The following TIAM2 variants were observed in gnomAD, a reference collection of about 807,000 sequenced individuals.
The protein encoded by TIAM2 is TIAM Rac1 associated GEF 2.
TIAM2 carries 80 observed loss-of-function variants against 152.9 expected under a neutral mutation model. The observed-to-expected ratio is 0.52, with a 90% CI of 0.44 to 0.63. The LOEUF is 0.63. TIAM2 is among the 30% of genes least tolerant of loss of function. The pLI is 0.00. For synonymous variants in TIAM2, 804 were observed against 838.0 expected (o/e 0.96, Z 0.70); for missense variants, 1,965 against 2,120.1 (o/e 0.93, Z 1.44).
intron 5 of TIAM2, among the ~76,000 whole-genome samples, chr6:155,138,444 T>A (rs1208170428): frequency 6.8e-6 from 1 of 147,656 alleles, no homozygotes; most frequent in African/African-American, 2.7e-5. Context: ...TTTTTTTTTT[T>A]AATATACTTT....
At chr6:155,153,449 A>G (rs1360628810) in intron 7 of TIAM2, among the ~76,000 whole-genome samples, 1 of 148,814 alleles carries the variant, frequency 6.7e-6, no homozygotes, top group Non-Finnish European at 1.5e-5. Context: ...TCTGAAAAAG[A>G]AAAAAAAAAG....
intron 2 of TIAM2, among the ~76,000 whole-genome samples, chr6:155,098,628 A>G (rs769650273): frequency 2.0e-5 from 3 of 152,226 alleles, no homozygotes; most frequent in Non-Finnish European, 2.9e-5. Context: ...AACAAAGGCT[A>G]CTTTGAACAA....
At chr6:155,092,482 T>G (rs938504665) in intron 2 of TIAM2, among the ~76,000 whole-genome samples, 1 of 152,314 alleles carries the variant, frequency 6.6e-6, no homozygotes, top group Non-Finnish European at 1.5e-5. Flanking sequence ...TGATTATGAT[T>G]AAGTATGTGA....
At chr6:155,019,493 G>C (rs527619654) in intron 1 of TIAM2, among the ~76,000 whole-genome samples, 1 of 152,176 alleles carries the variant, frequency 6.6e-6, no homozygotes, top group Non-Finnish European at 1.5e-5. Flanking sequence ...TGTGTTAAAC[G>C]AATGATTAAA....
At chr6:155,014,498 T>C (rs954783924) in intron 1 of TIAM2, among the ~76,000 whole-genome samples, 1 of 152,184 alleles carries the variant, frequency 6.6e-6, no homozygotes, top group Non-Finnish European at 1.5e-5. Flanking sequence ...TGCTAGTCAT[T>C]TGTGAATATC....
chr6:155,155,057 T>C (rs1019374169), intron 7 of TIAM2, among the ~76,000 whole-genome samples: 1 of 151,754 alleles, frequency 6.6e-6, no homozygotes, highest in African/African-American at 2.4e-5. Context: ...GGAGATAAAG[T>C]CAGATTGTGG....
At chr6:155,045,521 T>C (rs775346974) in intron 1 of TIAM2, among the ~76,000 whole-genome samples, 3 of 152,158 alleles carry the variant, frequency 2.0e-5, no homozygotes, top group Non-Finnish European at 4.4e-5. Flanking sequence ...TTATGGCCAT[T>C]TTCTTTCGAA....
chr6:155,180,170 T>C (rs1213383484), intron 12 of TIAM2, among the ~76,000 whole-genome samples: 2 of 152,078 alleles, frequency 1.3e-5, no homozygotes, highest in East Asian at 1.9e-4. Context: ...TCCCAGCTAC[T>C]CGGGAGGCTG....
At chr6:155,043,347 G>A (rs1171345436) in intron 1 of TIAM2, among the ~76,000 whole-genome samples, 2 of 152,042 alleles carry the variant, frequency 1.3e-5, no homozygotes, top group African/African-American at 2.4e-5. Context: ...TCTCTAGAGG[G>A]GCCAGGTGCA....
At chr6:155,090,961 C>T (rs1778289393) in intron 2 of TIAM2, among the ~76,000 whole-genome samples, 1 of 152,132 alleles carries the variant, frequency 6.6e-6, no homozygotes, top group Non-Finnish European at 1.5e-5. Flanking sequence ...GAAAGCTGAA[C>T]AGTTCCCCAG....
chr6:155,039,637 G>T (rs565233342), intron 1 of TIAM2, among the ~76,000 whole-genome samples: 113 of 151,070 alleles, frequency 7.5e-4, no homozygotes, highest in African/African-American at 2.6e-3. Flanking sequence ...TGGGGGCTGG[G>T]GGGTGGTTGG....
chr6:155,006,735 C>G (rs1253074290), intron 1 of TIAM2, among the ~76,000 whole-genome samples: 2 of 151,364 alleles, frequency 1.3e-5, no homozygotes, highest in African/African-American at 4.9e-5. Flanking sequence ...GTTGCCCAGG[C>G]TGGAGTGCAG....
Position 155,164,133 on chromosome 6 carries a change from G to GTTTTTTTT in TIAM2, c.2029-277_2029-270dup, listed in dbSNP as rs375238178. 7.6e-3 allele frequency among the ~76,000 whole-genome samples: 895 copies of GTTTTTTTT among 117,860 alleles called. 94 individuals are homozygous for GTTTTTTTT. Among genetic ancestry groups the GTTTTTTTT allele is most frequent in the Non-Finnish European group, 9.3e-3 (541 of 57,922 alleles). The allele number at this position is 117,860 out of a possible 152,430, so 77.3% of individuals were successfully genotyped here. ...TGGCACCACACCAGCTAATTTTTGT[G>GTTTTTTTT]TTTTTTTTTTTTCTTTTTTTTAGTA... On this transcript the variant is annotated intron_variant, in intron 7 of 26. Transcript: ENST00000682666.
intron 2 of TIAM2, among the ~76,000 whole-genome samples, chr6:155,104,113 T>A (rs1396067969): frequency 6.9e-6 from 1 of 145,858 alleles, no homozygotes; most frequent in Non-Finnish European, 1.5e-5. Context: ...TTTTGTGTTA[T>A]GTGACTTGGC....
At chr6:155,110,987 AT>A (rs1014943704) in intron 2 of TIAM2, among the ~76,000 whole-genome samples, 18 of 152,298 alleles carry the variant, frequency 1.2e-4, no homozygotes, top group African/African-American at 4.1e-4. Flanking sequence ...TAGTCGCAGA[AT>A]TGCTAGAGTC....
At chr6:155,087,065 C>G (rs1420015967) in intron 1 of TIAM2, among the ~76,000 whole-genome samples, 1 of 152,008 alleles carries the variant, frequency 6.6e-6, no homozygotes, top group Non-Finnish European at 1.5e-5. Context: ...GAGCAATAAC[C>G]CTGTGAGGTT....
At chr6:155,012,697 C>T (rs1001533255) in intron 1 of TIAM2, among the ~76,000 whole-genome samples, 1 of 152,110 alleles carries the variant, frequency 6.6e-6, no homozygotes, top group Non-Finnish European at 1.5e-5. Context: ...ACTACAGGCT[C>T]CCGCCACCAT....
rs1204850305 is a variant in TIAM2 at position 155,174,665 on chromosome 6, G to A, written c.2362-2151G>A. Among the ~76,000 whole-genome samples, 3 of 152,324 alleles carry A rather than the reference G, an allele frequency of 2.0e-5. No homozygotes were observed. The highest frequency in any genetic ancestry group is 2.4e-5 in the African/African-American group (1 of 41,576). On this transcript the variant is annotated intron_variant, in intron 9 of 26. Coordinates refer to ENST00000682666, the MANE Select transcript of TIAM2 (RefSeq NM_012454.4). This position sits in a 1 kb window ranked among gnomAD's most constrained non-coding sequence, Gnocchi z 4.2. ...ATTACAGACGTGAGCCATGGCGCCC[G>A]GCCAAGTGATACAGTCTTTCTCTGA...
At position 155,250,893 on chromosome 6, in the gene TIAM2, C is replaced by T. The variant is rs899214301; in HGVS notation, c.3952-20C>T. 2.5e-6 allele frequency: 4 copies of T among 1,609,334 alleles called. No individual in the cohort carries two copies. Among genetic ancestry groups the T allele is most frequent in the Non-Finnish European group, 3.4e-6 (4 of 1,175,652 alleles). On this transcript the variant is annotated intron_variant, in intron 21 of 26. Coordinates refer to ENST00000682666, the MANE Select transcript of TIAM2 (RefSeq NM_012454.4). ...CCTGGGATTTCCGTATCTTCCTTAC[C>T]TCCTGTTTTTACAATCTAGGTAACA...
Sources: gnomAD v4.1 joint callset for allele counts (sites outside exome capture counted in the v4.1 genomes callset) on GRCh38, gnomAD v4.1.1 for gene constraint, Gnocchi (gnomAD v3.1) non-coding constraint, MANE v1.5 for transcripts, NCBI Gene and HGNC (gene_info 2026-07-23, HGNC 2026-07-21) for gene names.